BTBD9: variants seen among roughly 807,000 people sequenced by gnomAD.
BTBD9 encodes BTB/POZ domain-containing protein 9.
In BTBD9, 49 loss-of-function variants were observed where a neutral mutation model predicts 64.3. That is an observed-to-expected ratio of 0.76 (90% CI 0.61 to 0.97). The LOEUF is 0.97. Ranked by LOEUF, BTBD9 falls within the 50% of genes least tolerant of loss-of-function variation. BTBD9 has a pLI of 0.00. For missense variants in BTBD9, 598 were observed against 762.1 expected (o/e 0.78, Z 2.53); for synonymous variants, 260 against 274.7 (o/e 0.95, Z 0.53).
intron 1 of BTBD9, chr6:38,613,150 T>TA (rs1432170662): frequency 1.3e-5 from 2 of 152,260 alleles, no homozygotes; most frequent in Non-Finnish European, 2.9e-5. Flanking sequence ...TCATAAAATA[T>TA]ATTAAAATGA....
chr6:38,467,773 C>T (rs898108645), intron 6 of BTBD9, among the ~76,000 whole-genome samples: 4 of 152,102 alleles, frequency 2.6e-5, no homozygotes, highest in African/African-American at 9.7e-5. Flanking sequence ...CCTAAATTAC[C>T]CAAGCTTAAA....
At chr6:38,235,511 C>T (rs1307954344) in intron 9 of BTBD9, among the ~76,000 whole-genome samples, 13 of 152,146 alleles carry the variant, frequency 8.5e-5, no homozygotes, top group Non-Finnish European at 2.9e-5. Flanking sequence ...GCTCCCAGTA[C>T]CACTGGCTGA....
At chr6:38,333,839 C>T (rs988897468) in intron 7 of BTBD9, among the ~76,000 whole-genome samples, 1 of 152,144 alleles carries the variant, frequency 6.6e-6, no homozygotes, top group African/African-American at 2.4e-5. Flanking sequence ...TGTGCCATTG[C>T]TACAACGATA....
intron 10 of BTBD9, among the ~76,000 whole-genome samples, chr6:38,188,562 T>C (rs1449364506): frequency 1.3e-5 from 2 of 152,250 alleles, no homozygotes; most frequent in African/African-American, 4.8e-5. Flanking sequence ...TCGATAGTTT[T>C]TGAAGCTAGC....
chr6:38,456,716 T>TA (rs1446018990), intron 6 of BTBD9, among the ~76,000 whole-genome samples: 2 of 152,224 alleles, frequency 1.3e-5, no homozygotes, highest in Non-Finnish European at 2.9e-5. Flanking sequence ...TCTGTTTAGT[T>TA]ACTTTTAAGT....
intron 9 of BTBD9, among the ~76,000 whole-genome samples, chr6:38,233,074 C>T (rs952366031): frequency 7.2e-5 from 11 of 152,196 alleles, no homozygotes; most frequent in Admixed American, 2.6e-4. Context: ...GTTTGATCTT[C>T]AGGATAGTGA....
chr6:38,256,771 C>T (rs1335304708), intron 8 of BTBD9, among the ~76,000 whole-genome samples: 1 of 152,220 alleles, frequency 6.6e-6, no homozygotes, highest in Non-Finnish European at 1.5e-5. Context: ...GTTCTTTATA[C>T]TGGTTTAGTA....
intron 9 of BTBD9, among the ~76,000 whole-genome samples, chr6:38,213,756 C>T (rs1224433696): frequency 5.3e-5 from 8 of 151,858 alleles, no homozygotes; most frequent in Non-Finnish European, 1.0e-4. Context: ...CTGAGGCGGG[C>T]GGATCATGAG....
intron 7 of BTBD9, among the ~76,000 whole-genome samples, chr6:38,316,834 C>T (rs952783418): frequency 1.3e-5 from 2 of 152,142 alleles, no homozygotes; most frequent in East Asian, 1.9e-4. Context: ...CCTTTCCTTT[C>T]GGACCAAAGA....
chr6:38,562,316 T>G (rs1775296669), intron 6 of BTBD9, among the ~76,000 whole-genome samples: 1 of 152,192 alleles, frequency 6.6e-6, no homozygotes, highest in African/African-American at 2.4e-5. Context: ...TAAACATGCT[T>G]TAGCACCTCT....
chr6:38,443,626 C>T (rs1769140974), intron 6 of BTBD9, among the ~76,000 whole-genome samples: 1 of 152,196 alleles, frequency 6.6e-6, no homozygotes, highest in Non-Finnish European at 1.5e-5. Context: ...CCTGAACACA[C>T]TCTCTTTGTC....
chr6:38,169,980 G>A lies in BTBD9; in HGVS notation c.*5005C>T, dbSNP rs1289159657. ...GACTGGAAGCTCGCTGGGTGCAGCA[G>A]ACTGGCCTGGGAGATGCCAGGGTGC... On this transcript the variant is annotated 3_prime_UTR_variant, in exon 11 of 11. Coordinates refer to ENST00000481247, the MANE Select transcript of BTBD9 (RefSeq NM_001099272.2). The A allele has an allele frequency of 6.6e-6, 1 of 152,284 alleles. No homozygotes were observed. Among genetic ancestry groups the A allele is most frequent in the African/African-American group, 2.4e-5 (1 of 41,462 alleles). 9.4% of individuals were successfully genotyped at this position (152,284 alleles called of 1,614,324 possible). A position where few individuals can be genotyped will look rare whatever the true frequency, so the allele number is the denominator to read the frequency against.
At chr6:38,210,529 C>CATGTGTTT (rs1762792607) in intron 9 of BTBD9, among the ~76,000 whole-genome samples, 1 of 103,862 alleles carries the variant, frequency 9.6e-6, no homozygotes, top group African/African-American at 4.1e-5. Flanking sequence ...TGGGAGAGTG[C>CATGTGTTT]GTGTGTTTGT....
intron 7 of BTBD9, among the ~76,000 whole-genome samples, chr6:38,338,555 A>G (rs909083879): frequency 9.9e-5 from 15 of 152,164 alleles, no homozygotes; most frequent in African/African-American, 3.6e-4. Context: ...AGGGTTAAAG[A>G]AACCATAATT....
intron 7 of BTBD9, among the ~76,000 whole-genome samples, chr6:38,342,987 A>AG (rs1764161790): frequency 6.6e-6 from 1 of 152,164 alleles, no homozygotes; most frequent in Non-Finnish European, 1.5e-5. Flanking sequence ...GGAGGGTCAG[A>AG]GGGGGTTCCA....
intron 9 of BTBD9, among the ~76,000 whole-genome samples, chr6:38,235,930 C>G (rs1269383136): frequency 6.6e-6 from 1 of 152,046 alleles, no homozygotes; most frequent in Non-Finnish European, 1.5e-5. Context: ...TGCACAGACC[C>G]CTTGGGCATA....
At chr6:38,619,528 C>T (rs1030431110) in intron 1 of BTBD9, among the ~76,000 whole-genome samples, 4 of 152,216 alleles carry the variant, frequency 2.6e-5, no homozygotes, top group Admixed American at 6.5e-5. Context: ...GAGGCAATCA[C>T]TGGAAGGCAC....
intron 6 of BTBD9, among the ~76,000 whole-genome samples, chr6:38,507,359 C>A (rs1772571857): frequency 6.6e-6 from 1 of 152,190 alleles, no homozygotes; most frequent in African/African-American, 2.4e-5. Flanking sequence ...ACAGAATGAT[C>A]AAATTTCTCC....
chr6:38,529,985 A>G (rs1451215379), intron 6 of BTBD9, among the ~76,000 whole-genome samples: 1 of 152,180 alleles, frequency 6.6e-6, no homozygotes, highest in East Asian at 1.9e-4. Context: ...TAAGTAGGGA[A>G]GAGATTACTA....
Sources: allele counts gnomAD v4.1 joint callset (sites outside exome capture counted in the v4.1 genomes callset), GRCh38; gene constraint gnomAD v4.1.1; transcripts MANE v1.5; gene names NCBI Gene and HGNC (gene_info 2026-07-23, HGNC 2026-07-21).